SLC6A13: variants seen among roughly 807,000 people sequenced by gnomAD.
The protein encoded by SLC6A13 is solute carrier family 6 member 13, also known as sodium- and chloride-dependent GABA transporter 2.
Under a neutral mutation model 72.9 loss-of-function variants are expected in SLC6A13, and 69 were observed. That is an observed-to-expected ratio of 0.95 (90% confidence interval 0.78 to 1.16). The LOEUF (loss-of-function observed/expected upper bound fraction) is 1.16. SLC6A13 is among the 50% of genes most tolerant of loss of function. SLC6A13 has a pLI of 0.00. For missense variants in SLC6A13, 735 were observed against 760.5 expected (o/e 0.97, Z 0.39); for synonymous variants, 303 against 303.0 (o/e 1.00, Z 0.00).
chr12:222,453 A>T (rs1941250188), intron 13 of SLC6A13, 79 bp downstream of exon 13: 2 of 777,656 alleles, frequency 2.6e-6, no homozygotes, highest in Non-Finnish European at 4.2e-6. Flanking sequence ...AGTCCATTGC[A>T]GGGCTAACGG....
At chr12:239,653 G>A (rs1035736806) in intron 4 of SLC6A13, among the ~76,000 whole-genome samples, 16 of 152,084 alleles carry the variant, frequency 1.1e-4, no homozygotes, top group East Asian at 1.9e-4. Flanking sequence ...ACCTCCCATC[G>A]CTACAATGAA....
chr12:225,366 CG>C (rs374285621), intron 9 of SLC6A13, among the ~76,000 whole-genome samples: 1 of 152,196 alleles, frequency 6.6e-6, no homozygotes, highest in Admixed American at 6.5e-5. Context: ...AAGTGAGACA[CG>C]GGCCAGCCAT....
intron 2 of SLC6A13, among the ~76,000 whole-genome samples, chr12:258,332 C>G (rs550456909): frequency 2.6e-5 from 4 of 152,314 alleles, no homozygotes; most frequent in African/African-American, 9.6e-5. Flanking sequence ...CGTGTTCTCC[C>G]CCAGTTCCCA....
At chr12:231,150 T>TA (rs1941692074) in intron 7 of SLC6A13, among the ~76,000 whole-genome samples, 1 of 151,942 alleles carries the variant, frequency 6.6e-6, no homozygotes, top group Non-Finnish European at 1.5e-5. Flanking sequence ...GTGGTCTGAG[T>TA]AAAGCACACG....
In SLC6A13 at chr12:221,378, C is replaced by A; in HGVS notation, c.1684G>T (p.Glu562Ter). The A allele has an allele frequency of 1.3e-6, 2 of 1,592,264 alleles. No homozygotes were observed. Among genetic ancestry groups the A allele is most frequent in the Non-Finnish European group, 1.7e-6 (2 of 1,169,468 alleles). ...TTTCCTGCCCGCAAAGGCCCTACCT[C>A]TCTGAAGGGGCCCTTGAGGGTTCCG... ...RLGTLKGPFR[E>*]RIRQLMCPAE... Residue 562 changes from glutamate (E) to a stop codon, truncating the protein, a stop_gained and splice_region_variant, in exon 14 of 15, where the codon GAG (glutamate) becomes TAG (stop). Transcript: ENST00000343164. LOFTEE classifies it low-confidence loss of function (END_TRUNC).
chr12:261,648 C>G (rs1942929463), intron 1 of SLC6A13, among the ~76,000 whole-genome samples: 1 of 152,164 alleles, frequency 6.6e-6, no homozygotes, highest in African/African-American at 2.4e-5. Flanking sequence ...GTGAACAGGC[C>G]GGGTGCAATG....
chr12:255,601 C>A (rs951734960), intron 2 of SLC6A13, among the ~76,000 whole-genome samples: 1 of 152,212 alleles, frequency 6.6e-6, no homozygotes, highest in South Asian at 2.1e-4. Context: ...GAGGCTGAGG[C>A]GGGAGAATCA....
At chr12:237,419 G>A (rs1388704730) in intron 5 of SLC6A13, 129 bp from the exon 6 acceptor site, 1 of 981,420 alleles carries the variant, frequency 1.0e-6, no homozygotes, top group East Asian at 2.5e-5. Flanking sequence ...CTCTTCACAT[G>A]AGGCCATCCT....
intron 2 of SLC6A13, among the ~76,000 whole-genome samples, chr12:257,782 T>C (rs1291350395): frequency 6.6e-6 from 1 of 151,982 alleles, no homozygotes; most frequent in African/African-American, 2.4e-5. Context: ...CAGTCACTGC[T>C]CCCCTCCACT....
intron 1 of SLC6A13, among the ~76,000 whole-genome samples, chr12:261,261 A>C (rs1199104031): frequency 6.6e-6 from 1 of 152,216 alleles, no homozygotes; most frequent in East Asian, 1.9e-4. Context: ...TAATTCTCAC[A>C]ACAACCCTGA....
intron 2 of SLC6A13, among the ~76,000 whole-genome samples, chr12:250,257 T>C (rs1175284426): frequency 1.3e-5 from 2 of 152,208 alleles, no homozygotes; most frequent in Non-Finnish European, 2.9e-5. Context: ...TTCTATTCAA[T>C]ACTGTACTGG....
At chr12:261,985 T>G (rs929941736) in intron 1 of SLC6A13, among the ~76,000 whole-genome samples, 6 of 150,548 alleles carry the variant, frequency 4.0e-5, no homozygotes, top group Middle Eastern at 6.9e-3. Context: ...ATCTGATAAA[T>G]TAGGGAATGA....
intron 2 of SLC6A13, chr12:253,815 A>G (rs1942642522): frequency 6.6e-6 from 1 of 152,404 alleles, no homozygotes; most frequent in Non-Finnish European, 1.5e-5. Flanking sequence ...CTCGCAAAAG[A>G]TGGTCTCCAG....
intron 9 of SLC6A13, among the ~76,000 whole-genome samples, chr12:225,777 TA>T (rs1399791392): frequency 4.6e-5 from 7 of 151,962 alleles, no homozygotes; most frequent in Non-Finnish European, 8.8e-5. Context: ...AATGCCAAGG[TA>T]AAAAAATCAT....
At chr12:224,606 A>G in intron 9 of SLC6A13, 93 bp from the exon 10 acceptor site, 1 of 995,320 alleles carries the variant, frequency 1.0e-6, no homozygotes, top group Non-Finnish European at 1.5e-6. Flanking sequence ...CCACAGAATA[A>G]CAGGGGCTAG....
chr12:220,786 G>A lies in SLC6A13; in HGVS notation c.*162C>T, dbSNP rs1941170081. ...TCAACAACCCCTGAGCTGAAAAGTT[G>A]CAGTGGGAGGCCTCCAGCTCAGCAG... On this transcript the variant is annotated 3_prime_UTR_variant, in exon 15 of 15. Transcript: ENST00000343164. 2.8e-5 allele frequency: 21 copies of A among 747,420 alleles called. No homozygotes were observed. Among genetic ancestry groups the A allele is most frequent in the Non-Finnish European group, 4.3e-5 (20 of 470,154 alleles). The allele number at this position is 747,420 out of a possible 1,614,324, so 46.3% of individuals were successfully genotyped here. A position where few individuals can be genotyped will look rare whatever the true frequency, so the allele number is the denominator to read the frequency against.
At chr12:261,167 G>C (rs760002334) in intron 1 of SLC6A13, among the ~76,000 whole-genome samples, 20 of 152,330 alleles carry the variant, frequency 1.3e-4, no homozygotes, top group Admixed American at 6.5e-4. Context: ...CCAGACCACT[G>C]TTGGGATTGA....
intron 2 of SLC6A13, among the ~76,000 whole-genome samples, chr12:251,149 C>CTT (rs1359111079): frequency 7.0e-6 from 1 of 143,642 alleles, no homozygotes; most frequent in Non-Finnish European, 1.5e-5. Flanking sequence ...GAGCAAGACT[C>CTT]TGTCTCAAAA....
chr12:251,980 A>T (rs1942570486), intron 2 of SLC6A13, among the ~76,000 whole-genome samples: 1 of 152,232 alleles, frequency 6.6e-6, no homozygotes, highest in Admixed American at 6.5e-5. Context: ...CATCTCAAAA[A>T]AAAGAAAAGG....
Sources: gnomAD v4.1 joint callset for allele counts (sites outside exome capture counted in the v4.1 genomes callset) on GRCh38, gnomAD v4.1.1 for gene constraint, MANE v1.5 for transcripts, NCBI Gene and HGNC (gene_info 2026-07-23, HGNC 2026-07-21) for gene names.